BRAF: variants seen among roughly 807,000 people sequenced by gnomAD.
BRAF encodes serine/threonine-protein kinase B-raf.
In BRAF, 16 loss-of-function variants were observed where a neutral mutation model predicts 104.6. That is an observed-to-expected ratio of 0.15 (90% CI 0.10 to 0.23). The LOEUF is 0.23. BRAF is among the 10% of genes least tolerant of loss of function. The pLI, the probability that BRAF is intolerant of heterozygous loss-of-function variation, is 1.00. For synonymous variants in BRAF, 310 were observed against 341.6 expected (o/e 0.91, Z 1.02); for missense variants, 541 against 937.3 (o/e 0.58, Z 5.52).
Position 140,734,622 on chromosome 7 carries a change from C to A in BRAF, c.2396G>T (p.Gly799Val). 6.2e-7 allele frequency: 1 copy of A among 1,613,654 alleles called. No individual in the cohort carries two copies. Among genetic ancestry groups the A allele is most frequent in the South Asian group, 1.1e-5 (1 of 91,072 alleles). Residue 799 changes from glycine to valine, a missense_variant, in exon 19 of 20, where the codon GGA becomes GTA. By Grantham distance (109) the Gly-to-Val change is moderately radical. Around this residue, in one of 10 missense-constraint regions of BRAF, gnomAD observed 129 missense variants for 285.8 expected, o/e 0.45. Transcript: ENST00000644969. ...TCAGTGGACAGGAAACGCACCATAT[C>A]CCCCTGCCTGGATGGGTGTTTTTGG... ...ASPKTPIQAG[G>V]YGEFAAFK
chr7:140,858,445 T>C (rs909776204), intron 1 of BRAF, among the ~76,000 whole-genome samples: 1 of 152,220 alleles, frequency 6.6e-6, no homozygotes, highest in African/African-American at 2.4e-5. Flanking sequence ...AGTCAAAGCC[T>C]TGGCAATTGG....
At chr7:140,874,346 C>A (rs1442516689) in intron 1 of BRAF, among the ~76,000 whole-genome samples, 3 of 151,658 alleles carry the variant, frequency 2.0e-5, no homozygotes, top group Non-Finnish European at 4.4e-5. Flanking sequence ...GGATTACAGG[C>A]ACGCGCCACC....
intron 1 of BRAF, among the ~76,000 whole-genome samples, chr7:140,923,241 T>C (rs1318957511): frequency 6.6e-6 from 1 of 151,380 alleles, no homozygotes; most frequent in Non-Finnish European, 1.5e-5. Context: ...AATTGAGAAA[T>C]TAGATGTTAA....
chr7:140,773,307 T>G (rs751358126), intron 14 of BRAF: 1 of 152,208 alleles, frequency 6.6e-6, no homozygotes, highest in Non-Finnish European at 1.5e-5. Flanking sequence ...GGGCTTGCTA[T>G]TTTTGAACTA....
intron 1 of BRAF, among the ~76,000 whole-genome samples, chr7:140,906,005 G>A (rs1202527782): frequency 1.1e-4 from 15 of 140,992 alleles, no homozygotes; most frequent in African/African-American, 3.5e-4. Flanking sequence ...GGAGAATGGC[G>A]TGAACCCGGG....
chr7:140,821,176 G>T (rs1481699944), intron 3 of BRAF, among the ~76,000 whole-genome samples: 1 of 152,082 alleles, frequency 6.6e-6, no homozygotes, highest in African/African-American at 2.4e-5. Context: ...TAGAGACAGG[G>T]TCTGGTTACA....
intron 14 of BRAF, among the ~76,000 whole-genome samples, chr7:140,768,106 A>G (rs1034409891): frequency 1.3e-5 from 2 of 152,244 alleles, no homozygotes; most frequent in Non-Finnish European, 2.9e-5. Flanking sequence ...CATTGTGTAT[A>G]GTATTAAAAC....
intron 3 of BRAF, among the ~76,000 whole-genome samples, chr7:140,815,432 ATT>A (rs11445161): frequency 8.9e-5 from 10 of 111,850 alleles, no homozygotes; most frequent in Admixed American, 9.0e-5. Context: ...GGTGTGAGCC[ATT>A]TTTTTTTTTT....
chr7:140,853,807 A>G (rs1809464229), intron 1 of BRAF, among the ~76,000 whole-genome samples: 2 of 151,912 alleles, frequency 1.3e-5, no homozygotes, highest in African/African-American at 2.4e-5. Context: ...CCACCTTACT[A>G]TATATATTTT....
At chr7:140,733,834 G>A (rs140628733) in intron 19 of BRAF, 18 of 259,138 alleles carry the variant, frequency 6.9e-5, no homozygotes, top group African/African-American at 3.0e-4. Flanking sequence ...GGAGCAATGC[G>A]TTTGCAACAA....
At chr7:140,913,285 CATA>C (rs1817205371) in intron 1 of BRAF, among the ~76,000 whole-genome samples, 1 of 152,058 alleles carries the variant, frequency 6.6e-6, no homozygotes, top group African/African-American at 2.4e-5. Flanking sequence ...ACAGCAGCTA[CATA>C]AGGGTAGAGA....
intron 10 of BRAF, 23 bp from the exon 10 acceptor site, chr7:140,783,180 G>A (rs1200724446): frequency 5.6e-6 from 9 of 1,613,136 alleles, no homozygotes; most frequent in Non-Finnish European, 7.6e-6. Flanking sequence ...AAAGAAAAAT[G>A]TATACATTAA....
chr7:140,813,853 G>A (rs187303502), intron 3 of BRAF, among the ~76,000 whole-genome samples: 9 of 151,890 alleles, frequency 5.9e-5, no homozygotes, highest in Admixed American at 2.6e-4. Flanking sequence ...CCATACATGC[G>A]TGTACACACA....
intron 10 of BRAF, among the ~76,000 whole-genome samples, chr7:140,785,320 A>T (rs1000116591): frequency 7.2e-5 from 11 of 152,208 alleles, no homozygotes; most frequent in Non-Finnish European, 1.3e-4. Flanking sequence ...ATCAAGAATA[A>T]TCACTTAAAT....
At chr7:140,809,016 T>C (rs1803946305) in intron 3 of BRAF, 21 bp from the exon 4 acceptor site, 2 of 1,573,368 alleles carry the variant, frequency 1.3e-6, no homozygotes, top group Non-Finnish European at 1.7e-6. Flanking sequence ...ATAAATATAT[T>C]GATAAGAGGT....
At chr7:140,747,293 T>C (rs751046886) in intron 17 of BRAF, 75 of 795,502 alleles carry the variant, frequency 9.4e-5, no homozygotes, top group Admixed American at 3.0e-4. Context: ...AATACTTAAC[T>C]TGGTTTCAGA....
chr7:140,847,303 C>A (rs990178819), intron 2 of BRAF, among the ~76,000 whole-genome samples: 6 of 152,048 alleles, frequency 3.9e-5, no homozygotes, highest in African/African-American at 1.5e-4. Context: ...CTATTCCCGG[C>A]CAGGCACGGT....
intron 14 of BRAF, among the ~76,000 whole-genome samples, chr7:140,760,423 A>G (rs77553170): frequency 0.02 from 1,453 of 71,948 alleles, 14 homozygotes; most frequent in African/African-American, 0.12. Context: ...GAGAGAGAGA[A>G]AAAAAAAAAA....
chr7:140,756,214 G>A (rs1474849681), intron 14 of BRAF, among the ~76,000 whole-genome samples: 1 of 152,106 alleles, frequency 6.6e-6, no homozygotes, highest in Non-Finnish European at 1.5e-5. Context: ...AGGCCGAGTT[G>A]CATAAAAATA....
Sources: gnomAD v4.1 joint callset for allele counts (sites outside exome capture counted in the v4.1 genomes callset) on GRCh38, gnomAD v4.1.1 for gene constraint, gnomAD v4.1.1 regional missense constraint, MANE v1.5 for transcripts, NCBI Gene and HGNC (gene_info 2026-07-23, HGNC 2026-07-21) for gene names.